Variants in GGT5 observed in about 807,000 individuals in gnomAD.
GGT5 encodes the protein gamma-glutamyltransferase 5.
In GGT5, 50 loss-of-function variants were observed where a neutral mutation model predicts 58.1. The observed-to-expected ratio is 0.86, with a 90% CI of 0.69 to 1.09. The LOEUF is 1.09. Among genes scored for constraint, GGT5 ranks in the 50% least tolerant of loss-of-function variants. The pLI is 0.00. For synonymous variants in GGT5, 370 were observed against 346.1 expected, an observed-to-expected ratio of 1.07 and a Z score of -0.77; for missense variants, 800 against 789.4, an observed-to-expected ratio of 1.01 and a Z score of -0.16.
Position 24,220,076 on chromosome 22 carries a change from G to T in GGT5, c.1655C>A (p.Thr552Asn). ...RGLQDRGQNQ[T>N]QRPFFLNVVQ... ...CACGTTCAGGAAGAAGGGCCTCTGG[G>T]TCTGGTTCTGGCCACGGTCTTGGAG... Residue 552 changes from threonine (T) to asparagine (N), a missense_variant, in exon 12 of 12, where the codon ACC becomes AAC. Thr to Asn is a moderately conservative substitution (Grantham distance 65). Coordinates refer to ENST00000327365, the MANE Select transcript of GGT5 (RefSeq NM_004121.5). 6.2e-7 allele frequency: 1 copy of T among 1,614,186 alleles called. No individual in the cohort carries two copies. Among genetic ancestry groups the T allele is most frequent in the Non-Finnish European group, 8.5e-7 (1 of 1,180,014 alleles).
chr22:24,238,826 T>TA (rs1569371603), intron 1 of GGT5, among the ~76,000 whole-genome samples: 1 of 11,894 alleles, frequency 8.4e-5, no homozygotes, highest in African/African-American at 6.2e-4. Flanking sequence ...TATATATATA[T>TA]ATATATTTAT....
chr22:24,231,331 G>A, intron 6 of GGT5, 53 bp downstream of exon 6: 3 of 1,319,984 alleles, frequency 2.3e-6, no homozygotes, highest in East Asian at 2.5e-5. Context: ...GTTCCCGGGG[G>A]CCGGGGGTGC....
chr22:24,238,813 TTA>T lies in GGT5; in HGVS notation c.174-4811_174-4810del, dbSNP rs66534760. On this transcript the variant is annotated intron_variant, in intron 1 of 11. Transcript: ENST00000327365. ...TATATATTTATATATATATAATATATTATATATATATATATATATTTATATAT... is the reference window on the plus strand; with the variant it reads ...TATATATTTATATATATATAATATATTATATATATATATATATTTATATAT... Among the ~76,000 whole-genome samples the T allele has an allele frequency of 6.4e-3, 8 of 1,256 alleles. 2 individuals are homozygous for T. In the East Asian group the frequency reaches 0.069, roughly 11 times the overall value. The allele number at this position is 1,256 out of a possible 152,430, so 0.8% of individuals were successfully genotyped here.
intron 1 of GGT5, chr22:24,241,698 A>G (rs866855424): frequency 2.0e-5 from 3 of 152,172 alleles, no homozygotes; most frequent in Non-Finnish European, 1.5e-5. Context: ...GAATATCCAA[A>G]AAACAACATA....
At chr22:24,240,831 T>G (rs1376541441) in intron 1 of GGT5, among the ~76,000 whole-genome samples, 1 of 152,054 alleles carries the variant, frequency 6.6e-6, no homozygotes, top group Non-Finnish European at 1.5e-5. Context: ...AGAAAAGTAT[T>G]ATTAGAGATA....
At chr22:24,231,236 T>G in intron 6 of GGT5, 148 bp downstream of exon 6, 1 of 615,310 alleles carries the variant, frequency 1.6e-6, no homozygotes. Context: ...TCCACAGCTC[T>G]GTCTTCATAT....
intron 3 of GGT5, among the ~76,000 whole-genome samples, chr22:24,233,263 C>T (rs2048002394): frequency 6.6e-6 from 1 of 152,222 alleles, no homozygotes; most frequent in South Asian, 2.1e-4. Context: ...CTCCACTGAA[C>T]CCTCCAGGCC....
chr22:24,234,414 A>G (rs960390214), intron 1 of GGT5, among the ~76,000 whole-genome samples: 1 of 152,094 alleles, frequency 6.6e-6, no homozygotes, highest in Non-Finnish European at 1.5e-5. Context: ...GGCCACAACT[A>G]CTTCAAGGCT....
Position 24,244,717 on chromosome 22 carries a change from C to T in GGT5, c.9G>A (p.Arg3=), listed in dbSNP as rs532905585. 6.2e-7 allele frequency: 1 copy of T among 1,609,834 alleles called. No individual in the cohort carries two copies. Among genetic ancestry groups the T allele is most frequent in the East Asian group, 2.2e-5 (1 of 44,782 alleles). MA[R]GYGATVSLVL... ...CTAGGCTGACCGTGGCCCCGTAGCC[C>T]CGGGCCATGGCTCTGCAGCCCAGGA... Residue 3 remains arginine (R), a synonymous_variant, in exon 1 of 12, where the codon CGG becomes CGA. Transcript: ENST00000327365.
intron 11 of GGT5, among the ~76,000 whole-genome samples, chr22:24,222,892 A>C (rs1026134045): frequency 1.3e-5 from 2 of 151,976 alleles, no homozygotes; most frequent in Admixed American, 6.6e-5. Context: ...CCTGGCTAAC[A>C]CGGTGAAACC....
rs1290071987 is a variant in GGT5 at position 24,226,679 on chromosome 22, C to T, written c.990G>A (p.Lys330=). The T allele has an allele frequency of 6.2e-7, 1 of 1,614,102 alleles. No homozygotes were observed. Among genetic ancestry groups the T allele is most frequent in the Non-Finnish European group, 8.5e-7 (1 of 1,179,942 alleles). ...GGTCCCCCAGCCTCCACCTCTGCCC[C>T]TTGGCAAACTTGAGCGTCTCTACAA... ...HHLVETLKFA[K]GQRWRLGDPR... is the part of the protein sequence containing the mutation. The change falls in exon 7 of 12, where the codon AAG becomes AAA. Residue 330 remains lysine (K), a synonymous_variant. Transcript: ENST00000327365.
At chr22:24,224,281 G>C (rs915031542) in intron 11 of GGT5, among the ~76,000 whole-genome samples, 5 of 151,920 alleles carry the variant, frequency 3.3e-5, no homozygotes, top group African/African-American at 1.2e-4. Flanking sequence ...AGGCCAAGGC[G>C]GGAAGATTGC....
chr22:24,228,589 TACAG>T (rs2047846801), intron 6 of GGT5, among the ~76,000 whole-genome samples: 1 of 151,834 alleles, frequency 6.6e-6, no homozygotes, highest in African/African-American at 2.4e-5. Context: ...CAACTGGGAC[TACAG>T]GTGCCCGCCA....
At chr22:24,239,263 C>A (rs2048263737) in intron 1 of GGT5, among the ~76,000 whole-genome samples, 1 of 151,204 alleles carries the variant, frequency 6.6e-6, no homozygotes, top group Non-Finnish European at 1.5e-5. Context: ...GGCGTGAACC[C>A]AGGAGGCAGA....
rs760867433 is a variant in GGT5, at chr22:24,232,138, T to G, written c.667A>C (p.Thr223Pro). The G allele has an allele frequency of 6.3e-7, 1 of 1,589,632 alleles. No individual in the cohort carries two copies. The highest frequency in any genetic ancestry group is 1.7e-5 in the Admixed American group (1 of 58,394). ...DPLPWPALAT[T>P]LETVATEGVE... Reference sequence around the variant, plus strand: ...CCCTCTGTGGCCACGGTCTCCAGGGTGGTGGCCAGTGCAGGCCATGGGAGT... The same window carrying G: ...CCCTCTGTGGCCACGGTCTCCAGGGGGGTGGCCAGTGCAGGCCATGGGAGT... The change falls in exon 5 of 12, where the codon ACC becomes CCC. Residue 223 changes from threonine to proline, a missense_variant. Physicochemically the swap from Thr to Pro is conservative, Grantham distance 38 (BLOSUM62 -1). Transcript: ENST00000327365.
chr22:24,236,199 C>T (rs969806103), intron 1 of GGT5, among the ~76,000 whole-genome samples: 11 of 152,142 alleles, frequency 7.2e-5, no homozygotes, highest in African/African-American at 2.4e-4. Context: ...TCCTTCCAAC[C>T]GTCCCTGCGA....
rs555685980 is a variant in GGT5, at chr22:24,222,816, G to A, written c.1614+2180C>T. ...GGAGGGGCCGGGCGCGGTGGCTCAC[G>A]CCTATAATCCCAGCACTTTGGGAGG... On this transcript the variant is annotated intron_variant, in intron 11 of 11. Coordinates refer to ENST00000327365, the MANE Select transcript of GGT5 (RefSeq NM_004121.5). Among the ~76,000 whole-genome samples, 164 of 152,218 alleles carry A rather than the reference G, an allele frequency of 1.1e-3. 1 individual carries two copies. Among genetic ancestry groups the A allele is most frequent in the African/African-American group, 2.9e-3 (122 of 41,540 alleles).
rs370492248 is a variant in GGT5, at chr22:24,225,275, G to A, written c.1473C>T (p.Gly491=). Residue 491 remains glycine (G), a synonymous_variant, in exon 10 of 12, where the codon GGC becomes GGT. Transcript: ENST00000327365. The part of the protein sequence containing the change: ...QGSKLVIGGA[G]GELIISAVAQ... Reference sequence around the variant, plus strand: ...CCACAGCAGAGATGATGAGCTCCCCGCCAGCCCCGCCAATCACTAGCTTCG... The same window carrying A: ...CCACAGCAGAGATGATGAGCTCCCCACCAGCCCCGCCAATCACTAGCTTCG... 21 of 1,613,476 alleles carry A rather than the reference G, an allele frequency of 1.3e-5. No individual in the cohort carries two copies. In the East Asian group the frequency reaches 2.0e-4, roughly 15 times the overall value.
chr22:24,226,278 G>A lies in GGT5; in HGVS notation c.1039-12C>T, dbSNP rs1210601795. 1.9e-6 allele frequency: 3 copies of A among 1,585,512 alleles called. No homozygotes were observed. Among genetic ancestry groups the A allele is most frequent in the Non-Finnish European group, 1.7e-6 (2 of 1,168,374 alleles). ...TCCCGGGAGGCATTCTGGGGTGGGT[G>A]GGCAGGTGGCAGGGTCAGTGAGGGG... On this transcript the variant is annotated splice_polypyrimidine_tract_variant and intron_variant, in intron 7 of 11. Transcript: ENST00000327365.
Sources: allele counts gnomAD v4.1 joint callset (sites outside exome capture counted in the v4.1 genomes callset), GRCh38; gene constraint gnomAD v4.1.1; transcripts MANE v1.5; gene names NCBI Gene and HGNC (gene_info 2026-07-23, HGNC 2026-07-21).